The following TP73 variants were observed in gnomAD, a reference collection of about 807,000 sequenced individuals.
TP73 encodes the protein p53-like transcription factor.
TP73 carries 25 observed loss-of-function variants against 62.5 expected under a neutral mutation model. The observed-to-expected ratio is 0.40, with a 90% CI of 0.29 to 0.56. The LOEUF (loss-of-function observed/expected upper bound fraction) is 0.56, where lower values mean the gene tolerates loss of function less well. Among genes scored for constraint, TP73 ranks in the 20% least tolerant of loss-of-function variants. TP73 has a pLI of 0.46. For missense variants in TP73, 754 were observed against 913.3 expected, an observed-to-expected ratio of 0.83 and a Z score of 2.25; for synonymous variants, 423 against 377.5, an observed-to-expected ratio of 1.12 and a Z score of -1.40.
At position 3,662,583 on chromosome 1, in the gene TP73, T is replaced by C. The variant is rs1645021014; in HGVS notation, c.-34+9942T>C. 6.6e-6 allele frequency among the ~76,000 whole-genome samples: 1 copy of C among 152,180 alleles called. No homozygotes were observed. The highest frequency in any genetic ancestry group is 1.5e-5 in the Non-Finnish European group (1 of 68,038). On this transcript the variant is annotated intron_variant, in intron 1 of 13. Coordinates refer to ENST00000378295, the MANE Select transcript of TP73 (RefSeq NM_005427.4). This position sits in a 1 kb window ranked among gnomAD's most constrained non-coding sequence, Gnocchi z 4.4. ...TTTACGAATGGAAATGTCTTTCATT[T>C]CTCTCCCAGACAGGCAGCTGGGCAG...
intron 4 of TP73, among the ~76,000 whole-genome samples, chr1:3,716,864 G>A (rs1018323617): frequency 1.9e-4 from 29 of 152,288 alleles, no homozygotes; most frequent in Admixed American, 1.6e-3. Context: ...AGCTTTTCTA[G>A]GGAGAGGAAG....
At chr1:3,662,000 G>A (rs1375213091) in intron 1 of TP73, among the ~76,000 whole-genome samples, 5 of 151,054 alleles carry the variant, frequency 3.3e-5, no homozygotes, top group Admixed American at 6.6e-5. Context: ...TTGAGGCTGC[G>A]ATGAACTATG....
intron 9 of TP73, among the ~76,000 whole-genome samples, chr1:3,728,604 C>T (rs566057269): frequency 6.6e-6 from 1 of 152,298 alleles, no homozygotes; most frequent in Non-Finnish European, 1.5e-5. Flanking sequence ...ATGTGGCCTC[C>T]AACAGGTGAA....
At chr1:3,665,568 G>A (rs748268307) in intron 1 of TP73, among the ~76,000 whole-genome samples, 14 of 152,014 alleles carry the variant, frequency 9.2e-5, no homozygotes, top group Non-Finnish European at 1.8e-4. Flanking sequence ...AAACCGGAAG[G>A]ACTTGATATG....
chr1:3,671,695 G>A (rs1327659096), intron 1 of TP73, among the ~76,000 whole-genome samples: 2 of 152,252 alleles, frequency 1.3e-5, no homozygotes, highest in East Asian at 1.9e-4. Flanking sequence ...GGGACTTCCC[G>A]CTGGGTTCCT....
rs1645127287 is a variant in TP73, at chr1:3,666,861, A to T, written c.-34+14220A>T. Among the ~76,000 whole-genome samples, 1 of 152,154 alleles carries T rather than the reference A, an allele frequency of 6.6e-6. No individual in the cohort carries two copies. Among genetic ancestry groups the T allele is most frequent in the South Asian group, 2.1e-4 (1 of 4,822 alleles). ...CAGAAAAGATGTTTTTCAATGAGGG[A>T]CATTTATGGTTGGCAAAAAAAAGTG... On this transcript the variant is annotated intron_variant, in intron 1 of 13. Coordinates refer to ENST00000378295, the MANE Select transcript of TP73 (RefSeq NM_005427.4). This position sits in a 1 kb window ranked among gnomAD's most constrained non-coding sequence, Gnocchi z 6.4.
At chr1:3,729,816 C>A in intron 10 of TP73, 184 bp from the exon 11 acceptor site, 1 of 921,470 alleles carries the variant, frequency 1.1e-6, no homozygotes, top group Non-Finnish European at 1.6e-6. Flanking sequence ...GTGTCCTTCT[C>A]AGGCGCAGGC....
intron 3 of TP73, among the ~76,000 whole-genome samples, chr1:3,706,230 T>C (rs542069673): frequency 6.6e-6 from 1 of 152,198 alleles, no homozygotes; most frequent in Non-Finnish European, 1.5e-5. Flanking sequence ...TGCCGTCTGC[T>C]GGGGCCGCTA....
At chr1:3,729,844 C>A in intron 10 of TP73, 156 bp from the exon 11 acceptor site, 1 of 1,146,358 alleles carries the variant, frequency 8.7e-7, no homozygotes, top group Non-Finnish European at 1.2e-6. Context: ...CCGTGCATGG[C>A]CATGGTTGGG....
chr1:3,654,991 C>T (rs1442604067), intron 1 of TP73, among the ~76,000 whole-genome samples: 1 of 152,256 alleles, frequency 6.6e-6, no homozygotes, highest in Non-Finnish European at 1.5e-5. Context: ...AGGCCCTGCC[C>T]TTGCCCAGCG....
intron 4 of TP73, among the ~76,000 whole-genome samples, chr1:3,720,362 G>A (rs1438746684): frequency 6.6e-6 from 1 of 152,194 alleles, no homozygotes; most frequent in Non-Finnish European, 1.5e-5. Flanking sequence ...AGGGGCAGTG[G>A]AGCCACTCTG....
chr1:3,673,341 G>A (rs778734198), intron 1 of TP73, among the ~76,000 whole-genome samples: 3 of 152,170 alleles, frequency 2.0e-5, no homozygotes, highest in African/African-American at 4.8e-5. Flanking sequence ...TTTGGGACCC[G>A]GGCCTCATTG....
At chr1:3,710,677 G>T (rs1178871106) in intron 4 of TP73, among the ~76,000 whole-genome samples, 2 of 152,228 alleles carry the variant, frequency 1.3e-5, no homozygotes, top group African/African-American at 2.4e-5. Flanking sequence ...ATCTCCTTGG[G>T]CACTGAGAGG....
At chr1:3,700,010 C>T (rs1639023239) in intron 3 of TP73, among the ~76,000 whole-genome samples, 1 of 151,988 alleles carries the variant, frequency 6.6e-6, no homozygotes, top group African/African-American at 2.4e-5. Context: ...TGGGAGCTGT[C>T]CTGGCCTCAG....
At chr1:3,710,863 A>G (rs541981378) in intron 4 of TP73, among the ~76,000 whole-genome samples, 26 of 152,210 alleles carry the variant, frequency 1.7e-4, no homozygotes, top group Non-Finnish European at 3.2e-4. Context: ...GCCTCCCCCC[A>G]TCACTGCCCA....
intron 3 of TP73, among the ~76,000 whole-genome samples, chr1:3,689,194 C>T (rs1489884705): frequency 6.6e-6 from 1 of 152,182 alleles, no homozygotes; most frequent in Non-Finnish European, 1.5e-5. Flanking sequence ...GCCCTGGGCT[C>T]TCCTGCAAGG....
chr1:3,688,011 C>T (rs1327622260), intron 3 of TP73, among the ~76,000 whole-genome samples: 3 of 152,178 alleles, frequency 2.0e-5, no homozygotes, highest in African/African-American at 4.8e-5. Context: ...GAAGGAAGGG[C>T]GCAGGTCCCG....
chr1:3,654,595 G>A (rs929695586), intron 1 of TP73, among the ~76,000 whole-genome samples: 4 of 152,310 alleles, frequency 2.6e-5, no homozygotes, highest in African/African-American at 7.2e-5. Context: ...GGTGCCGTCC[G>A]AAGGGCTTGG....
intron 3 of TP73, among the ~76,000 whole-genome samples, chr1:3,693,434 C>A (rs1469010266): frequency 6.6e-6 from 1 of 152,146 alleles, no homozygotes; most frequent in African/African-American, 2.4e-5. Context: ...TCTGAGCCCC[C>A]AGCTGGGCCC....
Sources: allele counts gnomAD v4.1 joint callset (sites outside exome capture counted in the v4.1 genomes callset), GRCh38; gene constraint gnomAD v4.1.1; non-coding constraint Gnocchi (gnomAD v3.1); transcripts MANE v1.5; gene names NCBI Gene and HGNC (gene_info 2026-07-23, HGNC 2026-07-21).